The following KHDRBS3 variants were observed in gnomAD, a reference collection of about 807,000 sequenced individuals.
KHDRBS3 encodes KH domain-containing, RNA-binding, signal transduction-associated protein 3.
KHDRBS3 carries 23 observed loss-of-function variants against 45.6 expected under a neutral mutation model. That is an observed-to-expected ratio of 0.50 (90% CI 0.36 to 0.72). The LOEUF (loss-of-function observed/expected upper bound fraction) is 0.72. Ranked by LOEUF, KHDRBS3 falls within the 30% of genes least tolerant of loss-of-function variation. The pLI, the probability that KHDRBS3 is intolerant of heterozygous loss-of-function variation, is 0.00. For synonymous variants in KHDRBS3, 162 were observed against 156.5 expected, an observed-to-expected ratio of 1.04 and a Z score of -0.26; for missense variants, 352 against 424.8, an observed-to-expected ratio of 0.83 and a Z score of 1.51.
chr8:135,458,050 C>T (rs1821207433), intron 1 of KHDRBS3, 96 bp downstream of exon 1: 3 of 1,419,152 alleles, frequency 2.1e-6, no homozygotes, highest in South Asian at 1.5e-5. Flanking sequence ...CTGCTGTCAG[C>T]GGACGCGGCG....
At chr8:135,503,963 A>C (rs1454980122) in intron 1 of KHDRBS3, among the ~76,000 whole-genome samples, 1 of 152,038 alleles carries the variant, frequency 6.6e-6, no homozygotes, top group East Asian at 1.9e-4. Flanking sequence ...AGTAAGTTAG[A>C]GTTTGTTATG....
intron 7 of KHDRBS3, among the ~76,000 whole-genome samples, chr8:135,613,951 T>C (rs1027608225): frequency 6.6e-6 from 1 of 151,714 alleles, no homozygotes; most frequent in African/African-American, 2.4e-5. Flanking sequence ...AGATTAGGAA[T>C]TTTTTTCTTC....
intron 7 of KHDRBS3, among the ~76,000 whole-genome samples, chr8:135,638,160 G>A (rs1830897057): frequency 6.6e-6 from 1 of 152,248 alleles, no homozygotes; most frequent in Admixed American, 6.5e-5. Flanking sequence ...AGCTCAGGGT[G>A]TTCTCATAAC....
chr8:135,573,708 GTTTT>G (rs1491082554), intron 5 of KHDRBS3, among the ~76,000 whole-genome samples: 7 of 124,504 alleles, frequency 5.6e-5, no homozygotes, highest in Admixed American at 4.4e-4. Context: ...CTGAGTGACT[GTTTT>G]TTTGTTTTTG....
chr8:135,636,338 A>G (rs1321014101), intron 7 of KHDRBS3, among the ~76,000 whole-genome samples: 1 of 152,228 alleles, frequency 6.6e-6, no homozygotes, highest in Non-Finnish European at 1.5e-5. Context: ...TTACTTCATC[A>G]AGGACATTGT....
intron 7 of KHDRBS3, among the ~76,000 whole-genome samples, chr8:135,611,480 G>T (rs1030256596): frequency 1.3e-5 from 2 of 151,808 alleles, no homozygotes; most frequent in Admixed American, 1.3e-4. Flanking sequence ...TGAAGAAATG[G>T]TTCTATGCAC....
chr8:135,483,745 C>G (rs982803539), intron 1 of KHDRBS3, among the ~76,000 whole-genome samples: 2 of 152,172 alleles, frequency 1.3e-5, no homozygotes, highest in East Asian at 3.9e-4. Flanking sequence ...TGAACTTACT[C>G]TTCCAGATTT....
chr8:135,496,801 C>T (rs1233937370), intron 1 of KHDRBS3, among the ~76,000 whole-genome samples: 2 of 152,216 alleles, frequency 1.3e-5, no homozygotes, highest in Non-Finnish European at 2.9e-5. Context: ...GGCTGGTGGT[C>T]AGTGGCTGGG....
intron 5 of KHDRBS3, among the ~76,000 whole-genome samples, chr8:135,573,214 A>G (rs1017977782): frequency 6.6e-6 from 1 of 152,214 alleles, no homozygotes; most frequent in Non-Finnish European, 1.5e-5. Context: ...AGCTCGCTTA[A>G]GCAGTCAGGG....
At chr8:135,515,494 C>T (rs1019237510) in intron 1 of KHDRBS3, among the ~76,000 whole-genome samples, 2 of 150,734 alleles carry the variant, frequency 1.3e-5, no homozygotes, top group Non-Finnish European at 3.0e-5. Context: ...GTCCTCTTTC[C>T]ACCCTTCCTA....
At chr8:135,610,523 A>C (rs147219625) in intron 7 of KHDRBS3, among the ~76,000 whole-genome samples, 19 of 143,810 alleles carry the variant, frequency 1.3e-4, no homozygotes, top group Middle Eastern at 3.7e-3. Context: ...AAAGATTATT[A>C]AGACGGAGAC....
At chr8:135,508,176 T>C (rs1824102574) in intron 1 of KHDRBS3, among the ~76,000 whole-genome samples, 1 of 152,236 alleles carries the variant, frequency 6.6e-6, no homozygotes, top group Non-Finnish European at 1.5e-5. Context: ...ATTTTGAATT[T>C]ATTTTAAATA....
At position 135,601,472 on chromosome 8, in the gene KHDRBS3, G is replaced by A. The variant is rs532836783; in HGVS notation, c.808-5483G>A. Among the ~76,000 whole-genome samples the A allele has an allele frequency of 4.5e-4, 69 of 152,278 alleles. 1 individual carries two copies. The South Asian group carries it at 1.0e-2, about 22-fold the overall frequency. ...CACCTTGAAAAATTCACTAGACAGA[G>A]CAGGCCAGAGACTTGCAGGAAACAG... On this transcript the variant is annotated intron_variant, in intron 6 of 8. Transcript: ENST00000355849.
chr8:135,515,095 G>A (rs1261859306), intron 1 of KHDRBS3, among the ~76,000 whole-genome samples: 2 of 151,970 alleles, frequency 1.3e-5, no homozygotes, highest in African/African-American at 4.8e-5. Context: ...GGCTGGGCGC[G>A]GTGGCTCACG....
At chr8:135,508,203 G>A (rs2130560180) in intron 1 of KHDRBS3, among the ~76,000 whole-genome samples, 1 of 152,228 alleles carries the variant, frequency 6.6e-6, no homozygotes, top group Non-Finnish European at 1.5e-5. Flanking sequence ...GTGTGTTATG[G>A]TACATCTAAC....
At chr8:135,572,068 T>C (rs901062739) in intron 5 of KHDRBS3, among the ~76,000 whole-genome samples, 5 of 152,214 alleles carry the variant, frequency 3.3e-5, no homozygotes, top group South Asian at 4.1e-4. Flanking sequence ...CTTAAACTTA[T>C]CTATTATCAA....
chr8:135,603,099 T>C (rs1373437694), intron 6 of KHDRBS3, among the ~76,000 whole-genome samples: 2 of 151,012 alleles, frequency 1.3e-5, no homozygotes, highest in Non-Finnish European at 2.9e-5. Flanking sequence ...TCTTCCACTT[T>C]TCTCTTTCCT....
intron 6 of KHDRBS3, among the ~76,000 whole-genome samples, chr8:135,599,375 G>A (rs1476091647): frequency 6.6e-6 from 1 of 152,230 alleles, no homozygotes; most frequent in Non-Finnish European, 1.5e-5. Flanking sequence ...AGAATACAGA[G>A]TTCCACAGGC....
intron 6 of KHDRBS3, among the ~76,000 whole-genome samples, chr8:135,591,809 G>C (rs960732275): frequency 3.9e-5 from 6 of 152,178 alleles, no homozygotes; most frequent in African/African-American, 1.4e-4. Flanking sequence ...ATTGTGACTA[G>C]TTTGGGGATT....
Sources: gnomAD v4.1 joint callset for allele counts (sites outside exome capture counted in the v4.1 genomes callset) on GRCh38, gnomAD v4.1.1 for gene constraint, MANE v1.5 for transcripts, NCBI Gene and HGNC (gene_info 2026-07-23, HGNC 2026-07-21) for gene names.